The following CTNNA1 variants were observed in gnomAD, a reference collection of about 807,000 sequenced individuals.
CTNNA1 encodes the protein catenin alpha-1.
CTNNA1 carries 37 observed loss-of-function variants against 98.4 expected under a neutral mutation model. That is an observed-to-expected ratio of 0.38 (90% CI 0.29 to 0.49). The LOEUF (loss-of-function observed/expected upper bound fraction) is 0.49. Ranked by LOEUF, CTNNA1 falls within the 20% of genes least tolerant of loss-of-function variation. CTNNA1 has a pLI of 0.95. For missense variants in CTNNA1, 761 were observed against 1,147.2 expected (o/e 0.66, Z 4.86); for synonymous variants, 404 against 413.2 (o/e 0.98, Z 0.27).
At chr5:138,780,649 C>T (rs1754977726) in intron 1 of CTNNA1, among the ~76,000 whole-genome samples, 1 of 152,056 alleles carries the variant, frequency 6.6e-6, no homozygotes, top group South Asian at 2.1e-4. Flanking sequence ...TCCCGAGTAG[C>T]TGGGATTACA....
At chr5:138,777,088 C>G in intron 1 of CTNNA1, among the ~76,000 whole-genome samples, 1 of 151,538 alleles carries the variant, frequency 6.6e-6, no homozygotes, top group Non-Finnish European at 1.5e-5. Context: ...GGAGGGGCTC[C>G]TCACTTCTCA....
At chr5:138,798,055 C>G (rs1757160361) in intron 3 of CTNNA1, among the ~76,000 whole-genome samples, 1 of 152,126 alleles carries the variant, frequency 6.6e-6, no homozygotes, top group African/African-American at 2.4e-5. Context: ...TAAAAGCTAA[C>G]ATTTCCTCTG....
At chr5:138,799,747 T>TTA (rs964216773) in intron 3 of CTNNA1, among the ~76,000 whole-genome samples, 1 of 152,104 alleles carries the variant, frequency 6.6e-6, no homozygotes, top group African/African-American at 2.4e-5. Flanking sequence ...TTTTAACCCA[T>TTA]TATACAGTGT....
intron 1 of CTNNA1, among the ~76,000 whole-genome samples, chr5:138,758,859 G>A (rs1752012432): frequency 6.6e-6 from 1 of 151,428 alleles, no homozygotes; most frequent in African/African-American, 2.4e-5. Context: ...CCGGACTGGA[G>A]TGCAATGGCG....
chr5:138,883,213 G>T (rs1359346271), intron 7 of CTNNA1, among the ~76,000 whole-genome samples: 1 of 152,178 alleles, frequency 6.6e-6, no homozygotes, highest in Non-Finnish European at 1.5e-5. Flanking sequence ...CTCAAGCTCA[G>T]TGTTAAGGTT....
chr5:138,761,523 C>T (rs972091271), intron 1 of CTNNA1, among the ~76,000 whole-genome samples: 7 of 152,142 alleles, frequency 4.6e-5, no homozygotes, highest in African/African-American at 1.7e-4. Context: ...TAGCCACTCA[C>T]CTGGCCCACA....
chr5:138,883,476 C>T (rs542313199), intron 7 of CTNNA1, among the ~76,000 whole-genome samples: 1 of 152,278 alleles, frequency 6.6e-6, no homozygotes, highest in Non-Finnish European at 1.5e-5. Context: ...ACAGAATTAA[C>T]AGATTCATGG....
At chr5:138,926,325 G>C (rs1409653779) in intron 13 of CTNNA1, among the ~76,000 whole-genome samples, 1 of 152,194 alleles carries the variant, frequency 6.6e-6, no homozygotes, top group Non-Finnish European at 1.5e-5. Context: ...CTGCCCTGCT[G>C]TTTCCTCACA....
intron 9 of CTNNA1, among the ~76,000 whole-genome samples, chr5:138,902,568 T>C (rs1038781350): frequency 1.6e-4 from 25 of 152,286 alleles, no homozygotes; most frequent in Middle Eastern, 3.4e-3. Flanking sequence ...TACAGGCGCC[T>C]GCCACCACGC....
chr5:138,789,102 T>C (rs1348533580), intron 3 of CTNNA1, among the ~76,000 whole-genome samples: 1 of 152,088 alleles, frequency 6.6e-6, no homozygotes, highest in African/African-American at 2.4e-5. Context: ...CAGGGAAATA[T>C]GAGTGAGGAA....
At chr5:138,815,916 A>G (rs1188424502) in intron 5 of CTNNA1, among the ~76,000 whole-genome samples, 1 of 152,106 alleles carries the variant, frequency 6.6e-6, no homozygotes, top group African/African-American at 2.4e-5. Context: ...CTTTTCTTGG[A>G]AATTAAACAA....
intron 7 of CTNNA1, chr5:138,875,046 T>G (rs1751189715): frequency 1.2e-6 from 1 of 834,750 alleles, no homozygotes; most frequent in African/African-American, 1.7e-5. Context: ...CAAGTAAAAT[T>G]GAATCCACCA....
Position 138,824,567 on chromosome 5 carries a change from C to G in CTNNA1, c.626C>G (p.Ala209Gly), listed in dbSNP as rs1760444178. ...KDVGHRDQMA[A>G]ARGILQKNVP... ...GTTGGCCATCGTGATCAGATGGCTGCAGCTAGAGGAATCCTGCAGAAGAAC... is the reference window on the plus strand; with the variant it reads ...GTTGGCCATCGTGATCAGATGGCTGGAGCTAGAGGAATCCTGCAGAAGAAC... The change falls in exon 6 of 18, where the codon GCA becomes GGA. Residue 209 changes from alanine to glycine, a missense_variant. Coordinates refer to ENST00000302763, the MANE Select transcript of CTNNA1 (RefSeq NM_001903.5). 1 of 1,614,136 alleles carries G rather than the reference C, an allele frequency of 6.2e-7. No individual in the cohort carries two copies. The highest frequency in any genetic ancestry group is 8.5e-7 in the Non-Finnish European group (1 of 1,180,014).
intron 13 of CTNNA1, among the ~76,000 whole-genome samples, chr5:138,928,809 CCT>C (rs901480498): frequency 2.0e-5 from 3 of 152,150 alleles, no homozygotes; most frequent in African/African-American, 7.2e-5. Flanking sequence ...TGGCATGTTG[CCT>C]CTAATCCCAG....
chr5:138,931,826 C>G (rs1765420632), intron 16 of CTNNA1: 1 of 985,520 alleles, frequency 1.0e-6, no homozygotes, highest in Non-Finnish European at 1.2e-6. Context: ...GGTCTCAGTT[C>G]ATACCACTCT....
chr5:138,769,308 C>G (rs913745215), intron 1 of CTNNA1, among the ~76,000 whole-genome samples: 7 of 152,004 alleles, frequency 4.6e-5, no homozygotes, highest in Admixed American at 2.0e-4. Flanking sequence ...GGCTTCTTAG[C>G]TGTGTGAAAG....
chr5:138,888,736 T>A (rs1397220860), intron 9 of CTNNA1, among the ~76,000 whole-genome samples: 1 of 151,872 alleles, frequency 6.6e-6, no homozygotes, highest in Admixed American at 6.6e-5. Context: ...TTTTTTTTTT[T>A]TAGTAGAGAC....
At chr5:138,901,621 G>A (rs1758056988) in intron 9 of CTNNA1, among the ~76,000 whole-genome samples, 1 of 152,170 alleles carries the variant, frequency 6.6e-6, no homozygotes, top group South Asian at 2.1e-4. Flanking sequence ...TAGAGATGGG[G>A]TCTTGCTATG....
At chr5:138,870,266 C>T (rs569676826) in intron 7 of CTNNA1, 16 of 152,304 alleles carry the variant, frequency 1.1e-4, no homozygotes, top group African/African-American at 3.4e-4. Flanking sequence ...ATCTTCAAAC[C>T]TGTGCTGATT....
Sources: allele counts gnomAD v4.1 joint callset (sites outside exome capture counted in the v4.1 genomes callset), GRCh38; gene constraint gnomAD v4.1.1; transcripts MANE v1.5; gene names NCBI Gene and HGNC (gene_info 2026-07-23, HGNC 2026-07-21).